The following PTPRD variants were observed in gnomAD, a reference collection of about 807,000 sequenced individuals.
The protein encoded by PTPRD is receptor-type tyrosine-protein phosphatase delta.
In PTPRD, 34 loss-of-function variants were observed where a neutral mutation model predicts 214.5. The ratio of observed to expected loss-of-function variants is 0.16; its 90% CI spans 0.12 to 0.21. The LOEUF is 0.21. PTPRD is among the 10% of genes least tolerant of loss of function. The pLI is 1.00. For synonymous variants in PTPRD, 1,128 were observed against 845.7 expected (o/e 1.33, Z -5.79); for missense variants, 2,545 against 2,398.7 (o/e 1.06, Z -1.27).
At chr9:9,419,166 A>ACACAC (rs1209794993) in intron 8 of PTPRD, among the ~76,000 whole-genome samples, 1 of 94,176 alleles carries the variant, frequency 1.1e-5, no homozygotes, top group South Asian at 3.6e-4. Context: ...CACACACACA[A>ACACAC]GCATGATATA....
chr9:9,801,065 G>C (rs1443485646), intron 5 of PTPRD, among the ~76,000 whole-genome samples: 2 of 151,946 alleles, frequency 1.3e-5, no homozygotes, highest in Non-Finnish European at 2.9e-5. Context: ...ATTTGCATTT[G>C]AGAAGGAAAA....
At chr9:8,709,504 G>C (rs530039440) in intron 12 of PTPRD, among the ~76,000 whole-genome samples, 5 of 124,440 alleles carry the variant, frequency 4.0e-5, no homozygotes, top group African/African-American at 1.5e-4. Flanking sequence ...GACAGAGTGA[G>C]ACTCCATCTC....
At chr9:9,860,746 T>C (rs1418119653) in intron 5 of PTPRD, among the ~76,000 whole-genome samples, 1 of 152,134 alleles carries the variant, frequency 6.6e-6, no homozygotes, top group Non-Finnish European at 1.5e-5. Flanking sequence ...TAAACAATTG[T>C]AGTTCATTAC....
At chr9:8,729,577 G>C (rs975816715) in intron 12 of PTPRD, among the ~76,000 whole-genome samples, 4 of 152,158 alleles carry the variant, frequency 2.6e-5, no homozygotes, top group African/African-American at 9.7e-5. Context: ...TAATCTATGA[G>C]TTTTCTTTTA....
intron 14 of PTPRD, among the ~76,000 whole-genome samples, chr9:8,582,861 T>C (rs2093304262): frequency 6.6e-6 from 1 of 152,226 alleles, no homozygotes; most frequent in Admixed American, 6.5e-5. Flanking sequence ...TGTTTTTTGC[T>C]ATTTAATTCA....
At chr9:8,424,800 G>C (rs560980350) in intron 35 of PTPRD, among the ~76,000 whole-genome samples, 154 of 152,204 alleles carry the variant, frequency 1.0e-3, no homozygotes, top group African/African-American at 3.5e-3. Context: ...ACTGGTTGAA[G>C]TTTAGAGGAC....
At chr9:9,013,504 T>C (rs1179527591) in intron 11 of PTPRD, among the ~76,000 whole-genome samples, 1 of 152,168 alleles carries the variant, frequency 6.6e-6, no homozygotes, top group Non-Finnish European at 1.5e-5. Context: ...TGTTTGTTTG[T>C]TTTCTTTTGC....
At chr9:8,349,516 C>A (rs1225571485) in intron 39 of PTPRD, among the ~76,000 whole-genome samples, 1 of 152,114 alleles carries the variant, frequency 6.6e-6, no homozygotes, top group Non-Finnish European at 1.5e-5. Context: ...AATGACGGAA[C>A]CCTATTTAGT....
chr9:10,386,674 CA>C (rs996594570), intron 2 of PTPRD, among the ~76,000 whole-genome samples: 60 of 150,918 alleles, frequency 4.0e-4, no homozygotes, highest in East Asian at 2.6e-3. Flanking sequence ...CAAAACAAAA[CA>C]AAACAAACAA....
Position 10,594,702 on chromosome 9 carries a change from AG to A in PTPRD, c.-600+17695del, listed in dbSNP as rs200950269. On this transcript the variant is annotated intron_variant, in intron 2 of 45. Transcript: ENST00000381196. Reference sequence around the variant, plus strand: ...AATGAGAGACTGCTTCAGAGGTACAAGGTCACACCCTTGCAACAATTATTCT... The same window carrying A: ...AATGAGAGACTGCTTCAGAGGTACAAGTCACACCCTTGCAACAATTATTCT... Among the ~76,000 whole-genome samples the A allele has an allele frequency of 2.3e-4, 35 of 152,102 alleles. 1 individual carries two copies. In the East Asian group the frequency reaches 6.8e-3, roughly 30 times the overall value.
rs114749195 is a variant in PTPRD, at chr9:8,323,479, T to C, written c.5535-3513A>G. Among the ~76,000 whole-genome samples the C allele has an allele frequency of 6.4e-3, 974 of 152,330 alleles. 12 individuals are homozygous for C. The highest frequency in any genetic ancestry group is 0.022 in the African/African-American group (929 of 41,570). ...CATTCTATATGCCATTAAAAACATT[T>C]GTGATTCACGGGAGAAGATCAAATT... On this transcript the variant is annotated intron_variant, in intron 44 of 45. Coordinates refer to ENST00000381196, the MANE Select transcript of PTPRD (RefSeq NM_002839.4).
In PTPRD at chr9:9,444,860, A is replaced by ATCT. The variant is rs1489280037; in HGVS notation, c.-236-47379_-236-47378insAGA. On this transcript the variant is annotated intron_variant, in intron 8 of 45. Transcript: ENST00000381196. ...TACAACTATTAGATTTATCATTTAA[A>ATCT]GAATACATGCCTACTTGCAAGTTAA... 4.5e-3 allele frequency among the ~76,000 whole-genome samples: 683 copies of ATCT among 152,324 alleles called. 4 individuals carry two copies. The highest frequency in any genetic ancestry group is 0.015 in the African/African-American group (622 of 41,582).
At chr9:9,600,859 C>G (rs1043308353) in intron 7 of PTPRD, among the ~76,000 whole-genome samples, 16 of 152,170 alleles carry the variant, frequency 1.1e-4, no homozygotes, top group African/African-American at 3.9e-4. Flanking sequence ...GATGTGTCAA[C>G]TAATAACACA....
chr9:8,826,478 T>C (rs751373933), intron 11 of PTPRD, among the ~76,000 whole-genome samples: 1 of 152,100 alleles, frequency 6.6e-6, no homozygotes, highest in African/African-American at 2.4e-5. Flanking sequence ...CCTCCAGCCC[T>C]GCTGGCCTCC....
At chr9:8,661,336 C>A (rs1341153372) in intron 12 of PTPRD, among the ~76,000 whole-genome samples, 1 of 151,900 alleles carries the variant, frequency 6.6e-6, no homozygotes, top group Non-Finnish European at 1.5e-5. Flanking sequence ...GTCAAGTATT[C>A]AAAATCAGTC....
intron 10 of PTPRD, among the ~76,000 whole-genome samples, chr9:9,096,753 G>T (rs1451957239): frequency 7.2e-5 from 11 of 152,108 alleles, no homozygotes. Context: ...TAGCAAAAAA[G>T]TATTATGATT....
chr9:9,161,714 T>C (rs1319327565), intron 10 of PTPRD, among the ~76,000 whole-genome samples: 1 of 152,108 alleles, frequency 6.6e-6, no homozygotes, highest in Non-Finnish European at 1.5e-5. Flanking sequence ...TTGACATCTG[T>C]GGCAAAATTA....
chr9:10,131,548 C>T (rs991715189), intron 3 of PTPRD, among the ~76,000 whole-genome samples: 22 of 152,254 alleles, frequency 1.4e-4, no homozygotes, highest in African/African-American at 5.1e-4. Flanking sequence ...GTCTCAGAAT[C>T]CCAAATCCGT....
intron 14 of PTPRD, among the ~76,000 whole-genome samples, chr9:8,619,539 C>T (rs1432008049): frequency 6.6e-6 from 1 of 151,940 alleles, no homozygotes; most frequent in Non-Finnish European, 1.5e-5. Context: ...AAAAGAAGTA[C>T]CCTCTTAACT....
Sources: allele counts gnomAD v4.1 joint callset (sites outside exome capture counted in the v4.1 genomes callset), GRCh38; gene constraint gnomAD v4.1.1; transcripts MANE v1.5; gene names NCBI Gene and HGNC (gene_info 2026-07-23, HGNC 2026-07-21).